Variants in CAMK4 observed in about 807,000 individuals in gnomAD.
CAMK4 encodes the protein calcium/calmodulin-dependent protein kinase type IV.
Under a neutral mutation model 44.9 loss-of-function variants are expected in CAMK4, and 22 were observed. The ratio of observed to expected loss-of-function variants is 0.49; its 90% CI spans 0.35 to 0.70. The LOEUF (loss-of-function observed/expected upper bound fraction) is 0.70. Ranked by LOEUF, CAMK4 falls within the 30% of genes least tolerant of loss-of-function variation. CAMK4 has a pLI of 0.01. For synonymous variants in CAMK4, 218 were observed against 215.4 expected, an observed-to-expected ratio of 1.01 and a Z score of -0.11; for missense variants, 498 against 586.8, an observed-to-expected ratio of 0.85 and a Z score of 1.56.
chr5:111,466,851 A>T (rs537133327), intron 7 of CAMK4, among the ~76,000 whole-genome samples: 1 of 152,268 alleles, frequency 6.6e-6, no homozygotes, highest in Non-Finnish European at 1.5e-5. Context: ...CTATTCTAAA[A>T]TTCATATGGA....
chr5:111,414,581 T>C lies in CAMK4; in HGVS notation c.459+19799T>C, dbSNP rs147162942. On this transcript the variant is annotated intron_variant, in intron 5 of 10. Coordinates refer to ENST00000282356, the MANE Select transcript of CAMK4 (RefSeq NM_001744.6). ...AATAAGACATGACATAGAAATAGAA[T>C]AAAATAGAAAAGGATAAAATGAAAT... Among the ~76,000 whole-genome samples the C allele has an allele frequency of 1.8e-3, 271 of 152,056 alleles. 1 individual carries two copies. The highest frequency in any genetic ancestry group is 6.1e-3 in the African/African-American group (255 of 41,490).
intron 5 of CAMK4, among the ~76,000 whole-genome samples, chr5:111,426,297 A>G (rs1056051718): frequency 2.0e-5 from 3 of 152,242 alleles, no homozygotes; most frequent in Non-Finnish European, 4.4e-5. Flanking sequence ...ATGTTATGTT[A>G]AAGTGAATTT....
At chr5:111,249,630 A>G (rs1022971828) in intron 1 of CAMK4, among the ~76,000 whole-genome samples, 27 of 73,698 alleles carry the variant, frequency 3.7e-4, no homozygotes, top group South Asian at 7.1e-4. Flanking sequence ...ATTTGTGTGT[A>G]TATATATATA....
At position 111,427,897 on chromosome 5, in the gene CAMK4, G is replaced by A. The variant is rs566098116; in HGVS notation, c.460-18789G>A. 3.0e-4 allele frequency among the ~76,000 whole-genome samples: 46 copies of A among 152,368 alleles called. 1 individual carries two copies. The highest frequency in any genetic ancestry group is 9.9e-4 in the African/African-American group (41 of 41,590). On this transcript the variant is annotated intron_variant, in intron 5 of 10. Coordinates refer to ENST00000282356, the MANE Select transcript of CAMK4 (RefSeq NM_001744.6). ...CCCAGGGCCTTGAGTGAATGTAGGC[G>A]GTAGCCAGAGTGTAGTTATAGCAGG...
rs1561460489 is a variant in CAMK4 at position 111,395,230 on chromosome 5, A to AAAG, written c.459+450_459+451insGAA. On this transcript the variant is annotated intron_variant, in intron 5 of 10. Coordinates refer to ENST00000282356, the MANE Select transcript of CAMK4 (RefSeq NM_001744.6). ...CTGTCTCAAAAAAAAAAAAAAAAGAAAAAAAAAAAGAAAAAGAAAAAAGAA... is the reference window on the plus strand; with the variant it reads ...CTGTCTCAAAAAAAAAAAAAAAAGAAAAGAAAAAAAAAGAAAAAGAAAAAAGAA... Among the ~76,000 whole-genome samples the AAAG allele has an allele frequency of 9.4e-5, 10 of 106,434 alleles. 1 individual carries two copies. The highest frequency in any genetic ancestry group is 5.8e-4 in the East Asian group (2 of 3,464). The allele number at this position is 106,434 out of a possible 152,430, so 69.8% of individuals were successfully genotyped here. A position where few individuals can be genotyped will look rare whatever the true frequency, so the allele number is the denominator to read the frequency against.
At chr5:111,285,188 C>A (rs1751189889) in intron 1 of CAMK4, among the ~76,000 whole-genome samples, 1 of 152,180 alleles carries the variant, frequency 6.6e-6, no homozygotes, top group African/African-American at 2.4e-5. Flanking sequence ...GAAAACAGTA[C>A]TCTGCAGAAT....
chr5:111,333,539 TGTG>T (rs1749266533), intron 1 of CAMK4, among the ~76,000 whole-genome samples: 1 of 151,660 alleles, frequency 6.6e-6, no homozygotes, highest in African/African-American at 2.4e-5. Context: ...TGCTTTACCT[TGTG>T]GTAGCTAAAA....
chr5:111,328,783 G>A (rs1302535264), intron 1 of CAMK4, among the ~76,000 whole-genome samples: 4 of 152,052 alleles, frequency 2.6e-5, no homozygotes, highest in South Asian at 2.1e-4. Context: ...ATTGTGAATG[G>A]GAGTTCACTC....
At chr5:111,257,276 A>G (rs1232470414) in intron 1 of CAMK4, among the ~76,000 whole-genome samples, 2 of 152,240 alleles carry the variant, frequency 1.3e-5, no homozygotes, top group East Asian at 3.8e-4. Flanking sequence ...AATATCCACA[A>G]TGTACAAGGA....
chr5:111,358,163 T>C (rs1272001844), intron 2 of CAMK4: 1 of 152,242 alleles, frequency 6.6e-6, no homozygotes, highest in South Asian at 2.1e-4. Flanking sequence ...TAATATTCGA[T>C]GTGTGCAGAG....
rs1755685429 is a variant in CAMK4, at chr5:111,487,776, A to C, written c.*3310A>C. 2.0e-5 allele frequency: 3 copies of C among 152,186 alleles called. No individual in the cohort carries two copies. The South Asian group carries it at 6.2e-4, about 32-fold the overall frequency. 9.4% of individuals were successfully genotyped at this position (152,186 alleles called of 1,614,324 possible). On this transcript the variant is annotated 3_prime_UTR_variant, in exon 11 of 11. Coordinates refer to ENST00000282356, the MANE Select transcript of CAMK4 (RefSeq NM_001744.6). ...ACTAGTCTAGAGTACTTTTTATTTT[A>C]AGCAAAGTGACACTTGAAGTTCTAT...
chr5:111,376,054 A>G (rs760473876), intron 3 of CAMK4, among the ~76,000 whole-genome samples: 1 of 152,070 alleles, frequency 6.6e-6, no homozygotes, highest in Non-Finnish European at 1.5e-5. Context: ...ATGATCCACA[A>G]TTTGGGGCTA....
chr5:111,408,228 T>C (rs1752507572), intron 5 of CAMK4, among the ~76,000 whole-genome samples: 1 of 152,190 alleles, frequency 6.6e-6, no homozygotes, highest in African/African-American at 2.4e-5. Context: ...AAGGATGGTG[T>C]ATTAGTCTGT....
At chr5:111,369,492 CAATTA>C (rs1016725628) in intron 2 of CAMK4, among the ~76,000 whole-genome samples, 2 of 151,890 alleles carry the variant, frequency 1.3e-5, no homozygotes, top group African/African-American at 2.4e-5. Flanking sequence ...ACATAAATAA[CAATTA>C]AATTAAAATG....
intron 2 of CAMK4, among the ~76,000 whole-genome samples, chr5:111,369,926 C>T (rs1482608536): frequency 6.6e-6 from 1 of 151,576 alleles, no homozygotes; most frequent in Admixed American, 6.6e-5. Context: ...AAATATTTTC[C>T]ATCCATGGTT....
At chr5:111,394,879 T>C in intron 5 of CAMK4, 97 bp downstream of exon 5, 1 of 774,486 alleles carries the variant, frequency 1.3e-6, no homozygotes, top group East Asian at 2.7e-5. Flanking sequence ...AAGCCATACA[T>C]TTTACAGCAT....
intron 1 of CAMK4, among the ~76,000 whole-genome samples, chr5:111,262,889 G>T (rs1750051215): frequency 6.6e-6 from 1 of 152,206 alleles, no homozygotes; most frequent in Non-Finnish European, 1.5e-5. Flanking sequence ...AAAGGTGAAT[G>T]TATTTATCAC....
At chr5:111,312,777 G>C (rs1041213717) in intron 1 of CAMK4, among the ~76,000 whole-genome samples, 1 of 152,106 alleles carries the variant, frequency 6.6e-6, no homozygotes, top group African/African-American at 2.4e-5. Context: ...CCAACTCCCC[G>C]TTGACGAATG....
chr5:111,357,932 C>T (rs1450212675), intron 2 of CAMK4: 5 of 152,122 alleles, frequency 3.3e-5, no homozygotes, highest in African/African-American at 1.2e-4. Flanking sequence ...GAACTCAGGG[C>T]TTTTGAATTC....
Sources: allele counts gnomAD v4.1 joint callset (sites outside exome capture counted in the v4.1 genomes callset), GRCh38; gene constraint gnomAD v4.1.1; transcripts MANE v1.5; gene names NCBI Gene and HGNC (gene_info 2026-07-23, HGNC 2026-07-21).